The following GAS2 variants were observed in gnomAD, a reference collection of about 807,000 sequenced individuals.
GAS2 encodes growth arrest-specific protein 2.
GAS2 carries 20 observed loss-of-function variants against 37.5 expected under a neutral mutation model. The ratio of observed to expected loss-of-function variants is 0.53; its 90% CI spans 0.37 to 0.77. The LOEUF (loss-of-function observed/expected upper bound fraction) is 0.77. GAS2 is among the 30% of genes least tolerant of loss of function. The pLI is 0.00. For synonymous variants in GAS2, 144 were observed against 132.2 expected, an observed-to-expected ratio of 1.09 and a Z score of -0.61; for missense variants, 336 against 373.4, an observed-to-expected ratio of 0.90 and a Z score of 0.82.
intron 2 of GAS2, among the ~76,000 whole-genome samples, chr11:22,681,230 A>T (rs1440734140): frequency 2.0e-5 from 3 of 152,172 alleles, no homozygotes; most frequent in Admixed American, 6.6e-5. Flanking sequence ...TATGGCAAAC[A>T]TATTTCTGGG....
chr11:22,666,027 C>T (rs191383991), upstream of GAS2, among the ~76,000 whole-genome samples: 2 of 152,240 alleles, frequency 1.3e-5, no homozygotes, highest in Non-Finnish European at 2.9e-5. Flanking sequence ...GATCAGCACA[C>T]TCAGCAAGCG....
chr11:22,768,368 A>G (rs1564879941), intron 7 of GAS2, among the ~76,000 whole-genome samples: 1 of 152,240 alleles, frequency 6.6e-6, no homozygotes, highest in Non-Finnish European at 1.5e-5. Context: ...AGAAATCACT[A>G]CATCAAGGTG....
chr11:22,721,814 G>A (rs1312918882), intron 3 of GAS2, among the ~76,000 whole-genome samples: 1 of 151,928 alleles, frequency 6.6e-6, no homozygotes, highest in Non-Finnish European at 1.5e-5. Flanking sequence ...TAAATTATTT[G>A]GCAGTCTATT....
At chr11:22,650,596 G>T (rs1185613566) in intron 1 of GAS2, among the ~76,000 whole-genome samples, 7 of 147,726 alleles carry the variant, frequency 4.7e-5, no homozygotes, top group South Asian at 2.2e-4. Context: ...ATGAATCTGG[G>T]TGCTCCTGTA....
intron 7 of GAS2, among the ~76,000 whole-genome samples, chr11:22,800,760 T>C (rs1276317792): frequency 1.3e-5 from 2 of 152,124 alleles, no homozygotes; most frequent in Non-Finnish European, 2.9e-5. Context: ...AGCAGATCTA[T>C]GCTGGGGAAT....
In GAS2 at chr11:22,690,398, G is replaced by A. The variant is rs142383475; in HGVS notation, c.267+4609G>A. Among the ~76,000 whole-genome samples the A allele has an allele frequency of 2.5e-3, 378 of 152,068 alleles. 1 individual carries two copies. Among genetic ancestry groups the A allele is most frequent in the African/African-American group, 8.4e-3 (347 of 41,478 alleles). On this transcript the variant is annotated intron_variant, in intron 3 of 7. Coordinates refer to ENST00000454584, the MANE Select transcript of GAS2 (RefSeq NM_001143830.3). Reference sequence around the variant, plus strand: ...ACATCAATAGGTCAATTTAAAAATAGCTTCTTTACGTGTGTGAGCTCTAAG... The same window carrying A: ...ACATCAATAGGTCAATTTAAAAATAACTTCTTTACGTGTGTGAGCTCTAAG...
At chr11:22,712,144 A>G (rs555723159) in intron 3 of GAS2, among the ~76,000 whole-genome samples, 2 of 152,344 alleles carry the variant, frequency 1.3e-5, no homozygotes, top group East Asian at 3.9e-4. Context: ...TCGAAGAAGG[A>G]AAAAACAACA....
At chr11:22,665,816 A>G (rs1848975084), upstream of GAS2, among the ~76,000 whole-genome samples, 1 of 152,230 alleles carries the variant, frequency 6.6e-6, no homozygotes, top group Non-Finnish European at 1.5e-5. Context: ...TTGTGGATGT[A>G]CAGGTAGTTT....
chr11:22,675,064 TA>T (rs1849362635), intron 2 of GAS2, 50 bp downstream of exon 2: 1 of 1,587,440 alleles, frequency 6.3e-7, no homozygotes, highest in African/African-American at 1.3e-5. Flanking sequence ...GTTTTTGTTT[TA>T]TTTTTCCTCC....
intron 6 of GAS2, among the ~76,000 whole-genome samples, chr11:22,753,458 T>C (rs1025845774): frequency 2.0e-5 from 3 of 152,094 alleles, no homozygotes; most frequent in South Asian, 2.1e-4. Context: ...CTGTCTTTTG[T>C]CTAAGAAGAC....
intron 7 of GAS2, among the ~76,000 whole-genome samples, chr11:22,781,713 C>T (rs1331404033): frequency 6.6e-6 from 1 of 152,000 alleles, no homozygotes; most frequent in Admixed American, 6.6e-5. Context: ...TATTATGGTA[C>T]TCGGTGTAAC....
intron 2 of GAS2, among the ~76,000 whole-genome samples, chr11:22,684,752 GA>G (rs1849857329): frequency 6.6e-6 from 1 of 152,140 alleles, no homozygotes; most frequent in South Asian, 2.1e-4. Context: ...TGTTTTTGTA[GA>G]AATGGGGTTT....
At chr11:22,643,038 T>G (rs1473744252) in intron 1 of GAS2, among the ~76,000 whole-genome samples, 1 of 152,136 alleles carries the variant, frequency 6.6e-6, no homozygotes, top group African/African-American at 2.4e-5. Flanking sequence ...CCATTTTATC[T>G]CTTTGGTTTT....
At chr11:22,702,912 G>A (rs991739645) in intron 3 of GAS2, among the ~76,000 whole-genome samples, 3 of 152,126 alleles carry the variant, frequency 2.0e-5, no homozygotes, top group Non-Finnish European at 2.9e-5. Flanking sequence ...ATTTGAATCT[G>A]CTTATAAAGA....
chr11:22,805,790 T>A (rs1856855473), intron 7 of GAS2, among the ~76,000 whole-genome samples: 2 of 152,172 alleles, frequency 1.3e-5, no homozygotes, highest in East Asian at 3.8e-4. Flanking sequence ...GATTATTTCT[T>A]GATGAAATGC....
At chr11:22,738,049 T>C (rs534372761) in intron 5 of GAS2, among the ~76,000 whole-genome samples, 1 of 152,324 alleles carries the variant, frequency 6.6e-6, no homozygotes, top group East Asian at 1.9e-4. Flanking sequence ...GGGAGGACAT[T>C]GTACATGCAG....
chr11:22,689,805 A>T (rs1187119441), intron 3 of GAS2, among the ~76,000 whole-genome samples: 1 of 152,188 alleles, frequency 6.6e-6, no homozygotes, highest in East Asian at 1.9e-4. Context: ...TACAATATTA[A>T]GTCTGATTTT....
At chr11:22,740,185 C>T (rs1246666574) in intron 5 of GAS2, among the ~76,000 whole-genome samples, 1 of 152,050 alleles carries the variant, frequency 6.6e-6, no homozygotes, top group Non-Finnish European at 1.5e-5. Flanking sequence ...ATTATAATGG[C>T]CTTGTCATTT....
chr11:22,762,440 A>G (rs911145756), intron 7 of GAS2, among the ~76,000 whole-genome samples: 2 of 152,188 alleles, frequency 1.3e-5, no homozygotes, highest in Admixed American at 6.5e-5. Context: ...TAAGTAGTAA[A>G]ATAAGTAAAA....
Sources: gnomAD v4.1 joint callset for allele counts (sites outside exome capture counted in the v4.1 genomes callset) on GRCh38, gnomAD v4.1.1 for gene constraint, MANE v1.5 for transcripts, NCBI Gene and HGNC (gene_info 2026-07-23, HGNC 2026-07-21) for gene names.